Variants in AMBRA1 observed in about 807,000 individuals in gnomAD.
The protein encoded by AMBRA1 is activating molecule in BECN1-regulated autophagy protein 1.
A neutral mutation model predicts 125.4 loss-of-function variants in AMBRA1; 47 were observed. That is an observed-to-expected ratio of 0.37 (90% CI 0.30 to 0.48). The LOEUF (loss-of-function observed/expected upper bound fraction) is 0.48. Ranked by LOEUF, AMBRA1 falls within the 20% of genes least tolerant of loss-of-function variation. AMBRA1 has a pLI of 0.99. For missense variants in AMBRA1, 1,331 were observed against 1,693.4 expected (o/e 0.79, Z 3.76); for synonymous variants, 626 against 655.5 (o/e 0.95, Z 0.69).
At chr11:46,589,441 A>C (rs1223288954) in intron 1 of AMBRA1, among the ~76,000 whole-genome samples, 3 of 152,200 alleles carry the variant, frequency 2.0e-5, no homozygotes, top group Admixed American at 1.3e-4. Context: ...CTGTGATTAA[A>C]GGAACCTAAG....
chr11:46,417,868 C>T (rs768264918), intron 15 of AMBRA1, 45 bp downstream of exon 15: 3 of 1,557,272 alleles, frequency 1.9e-6, no homozygotes, highest in Non-Finnish European at 2.6e-6. Context: ...TACCCCAGTC[C>T]TCGGCCCCAG....
chr11:46,402,852 C>T (rs1448099091), intron 17 of AMBRA1, among the ~76,000 whole-genome samples: 3 of 152,180 alleles, frequency 2.0e-5, no homozygotes, highest in African/African-American at 7.2e-5. Flanking sequence ...CCCCAGGGCT[C>T]GGTGTGGACA....
At chr11:46,419,993 A>G (rs1278641522) in intron 14 of AMBRA1, among the ~76,000 whole-genome samples, 1 of 3,718 alleles carries the variant, frequency 2.7e-4, no homozygotes, top group African/African-American at 7.6e-4. Flanking sequence ...ACGTGTCCTC[A>G]ATACACACAC....
At chr11:46,497,284 G>A (rs1950669104) in intron 9 of AMBRA1, among the ~76,000 whole-genome samples, 1 of 152,080 alleles carries the variant, frequency 6.6e-6, no homozygotes, top group African/African-American at 2.4e-5. Context: ...ATTAGTGGGG[G>A]ATATATAAAG....
chr11:46,512,343 GT>G (rs1303655800), intron 8 of AMBRA1, among the ~76,000 whole-genome samples: 8 of 152,140 alleles, frequency 5.3e-5, no homozygotes, highest in Admixed American at 3.3e-4. Flanking sequence ...TGGGTTTTTT[GT>G]TTAATCTATA....
At chr11:46,558,548 CAAAAAAAAAAAAAAAAA>C (rs58748629) in intron 1 of AMBRA1, among the ~76,000 whole-genome samples, 2 of 38,740 alleles carry the variant, frequency 5.2e-5, no homozygotes, top group African/African-American at 1.6e-4. Flanking sequence ...GACTCCCTCT[CAAAAAAAAAAAAAAAAA>C]AAAAAAAAAC....
At chr11:46,467,271 T>TTTGTTCATAG (rs1949368271) in intron 11 of AMBRA1, among the ~76,000 whole-genome samples, 1 of 152,124 alleles carries the variant, frequency 6.6e-6, no homozygotes, top group African/African-American at 2.4e-5. Context: ...TGATGGGAGA[T>TTTGTTCATAG]GATTTGTTCC....
intron 1 of AMBRA1, among the ~76,000 whole-genome samples, chr11:46,551,218 C>T (rs867628096): frequency 3.3e-5 from 5 of 151,582 alleles, no homozygotes; most frequent in South Asian, 2.1e-4. Flanking sequence ...AATGGTAACA[C>T]GCTGGGGACT....
At chr11:46,581,982 G>A in intron 1 of AMBRA1, among the ~76,000 whole-genome samples, 1 of 151,688 alleles carries the variant, frequency 6.6e-6, no homozygotes, top group South Asian at 2.1e-4. Flanking sequence ...TAGGCATGGT[G>A]GTGGGTGCCT....
Position 46,397,805 on chromosome 11 carries a change from T to C in AMBRA1, c.3542A>G (p.Asn1181Ser), listed in dbSNP as rs1238281494. The change falls in exon 18 of 18, where the codon AAC becomes AGC. Residue 1181 changes from asparagine to serine, a missense_variant. Transcript: ENST00000683756. ...GTGAATGCGGTGGCTGACGATGATG[T>C]TGTTGCCGAAGCCGCCCATGGAGGC... Reference protein sequence around the residue: ...TMASMGGFGNNIIVSHRIHRS... With the variant: ...TMASMGGFGNSIIVSHRIHRS... 3.1e-6 allele frequency: 5 copies of C among 1,608,388 alleles called. No homozygotes were observed. Among genetic ancestry groups the C allele is most frequent in the South Asian group, 1.1e-5 (1 of 91,078 alleles).
At chr11:46,459,919 A>C (rs1949024251) in intron 11 of AMBRA1, among the ~76,000 whole-genome samples, 1 of 152,228 alleles carries the variant, frequency 6.6e-6, no homozygotes, top group Admixed American at 6.5e-5. Flanking sequence ...TTACCAATGA[A>C]GTTCAGGAGC....
chr11:46,573,177 G>T (rs1208992859), intron 1 of AMBRA1, among the ~76,000 whole-genome samples: 1 of 150,140 alleles, frequency 6.7e-6, no homozygotes, highest in East Asian at 2.0e-4. Flanking sequence ...GACTGAGGTG[G>T]GCTGATCACC....
intron 7 of AMBRA1, among the ~76,000 whole-genome samples, chr11:46,533,731 TC>T (rs1322646751): frequency 6.6e-6 from 1 of 152,184 alleles, no homozygotes; most frequent in East Asian, 1.9e-4. Flanking sequence ...GCCACAGTTA[TC>T]TTTTTAAAAT....
chr11:46,559,689 GTCAAGTTTATAACAAGAA>G (rs760482434), intron 1 of AMBRA1, among the ~76,000 whole-genome samples: 8 of 152,270 alleles, frequency 5.3e-5, no homozygotes, highest in Non-Finnish European at 1.0e-4. Context: ...AGGAGTATCA[GTCAAGTTTATAACAAGAA>G]TCAGTGATTT....
At position 46,493,715 on chromosome 11, in the gene AMBRA1, G is replaced by A. The variant is rs748070184; in HGVS notation, c.2421-7C>T. ...CTCAGGCAGCAAGAAACGCCTACAAGAAGGAATCACATGTGAAAAGCTGAC... is the reference window on the plus strand; with the variant it reads ...CTCAGGCAGCAAGAAACGCCTACAAAAAGGAATCACATGTGAAAAGCTGAC... On this transcript the variant is annotated splice_polypyrimidine_tract_variant and splice_region_variant and intron_variant, in intron 10 of 17. Transcript: ENST00000683756. 1.9e-6 allele frequency: 3 copies of A among 1,583,722 alleles called. No individual in the cohort carries two copies. The South Asian group carries it at 3.5e-5, about 19-fold the overall frequency.
chr11:46,472,021 G>A (rs949024784), intron 11 of AMBRA1, among the ~76,000 whole-genome samples: 2 of 152,122 alleles, frequency 1.3e-5, no homozygotes, highest in Admixed American at 6.6e-5. Flanking sequence ...TTTGGTTAAC[G>A]TTATGTTCTT....
intron 11 of AMBRA1, among the ~76,000 whole-genome samples, chr11:46,445,764 T>C (rs1003815364): frequency 5.9e-5 from 9 of 152,204 alleles, no homozygotes; most frequent in Non-Finnish European, 1.2e-4. Context: ...TAGCTCCTTA[T>C]CATTTTCTCC....
chr11:46,417,882 T>C, intron 15 of AMBRA1, 31 bp downstream of exon 15: 1 of 1,571,626 alleles, frequency 6.4e-7, no homozygotes, highest in Non-Finnish European at 8.7e-7. Flanking sequence ...GCCCCAGTGA[T>C]CCCTCAACCC....
chr11:46,468,106 C>G (rs1025643313), intron 11 of AMBRA1, among the ~76,000 whole-genome samples: 1 of 152,190 alleles, frequency 6.6e-6, no homozygotes, highest in Non-Finnish European at 1.5e-5. Context: ...GAAACCCTCA[C>G]ACATTTGTTG....
Sources: gnomAD v4.1 joint callset for allele counts (sites outside exome capture counted in the v4.1 genomes callset) on GRCh38, gnomAD v4.1.1 for gene constraint, MANE v1.5 for transcripts, NCBI Gene and HGNC (gene_info 2026-07-23, HGNC 2026-07-21) for gene names.